SLC67A1: variants seen among roughly 807,000 people sequenced by gnomAD.
SLC67A1 encodes the protein solute carrier family 67 member A1.
the SLC67A1 span, among the ~76,000 whole-genome samples, chr11:2,910,627 C>T: frequency 5.9e-5 from 9 of 151,998 alleles, no homozygotes; most frequent in Non-Finnish European, 1.2e-4. Flanking sequence ...GCAGGGAGAC[C>T]GGTAGGACAG....
the SLC67A1 span, chr11:2,909,756 C>A: frequency 7.1e-7 from 1 of 1,411,872 alleles, no homozygotes; most frequent in Non-Finnish European, 9.2e-7. Context: ...AGGACGCCCG[C>A]GGCTGGGTCG....
the SLC67A1 span, chr11:2,921,070 A>G: frequency 1.3e-5 from 2 of 151,308 alleles, no homozygotes; most frequent in African/African-American, 2.4e-5. Context: ...AATACAAAAA[A>G]AAAAAAAAAA....
chr11:2,917,985 C>T, the SLC67A1 span: 3 of 1,610,696 alleles, frequency 1.9e-6, no homozygotes, highest in South Asian at 1.1e-5. Flanking sequence ...CTCTCCGTGC[C>T]AGGCGGCCCC....
At chr11:2,919,527 CAT>C in the SLC67A1 span, 8 of 720,140 alleles carry the variant, frequency 1.1e-5, no homozygotes, top group South Asian at 1.4e-4. Context: ...CCATCTGGCA[CAT>C]GTCAGGGTCC....
At chr11:2,922,125 GC>G in the SLC67A1 span, 1 of 1,613,398 alleles carries the variant, frequency 6.2e-7, no homozygotes, top group Non-Finnish European at 8.5e-7. Flanking sequence ...TGGTCATCGG[GC>G]AGCTGAGCAG....
At chr11:2,901,711 T>A in the SLC67A1 span, among the ~76,000 whole-genome samples, 1 of 152,060 alleles carries the variant, frequency 6.6e-6, no homozygotes. Context: ...TGGGGAAAAG[T>A]GGGCTCTCAA....
the SLC67A1 span, chr11:2,902,473 T>C: frequency 2.2e-6 from 1 of 449,574 alleles, no homozygotes; most frequent in South Asian, 1.1e-4. Context: ...CTGCTGCGGC[T>C]GCCCTGCTCC....
At chr11:2,923,139 C>T in the SLC67A1 span, among the ~76,000 whole-genome samples, 6 of 152,222 alleles carry the variant, frequency 3.9e-5, no homozygotes, top group East Asian at 1.2e-3. The surrounding 1 kb of genome is among the most constrained non-coding windows in gnomAD (Gnocchi z 6.5). Context: ...TATCCAGGCT[C>T]CTGCCCCACC....
At chr11:2,905,537 T>G in the SLC67A1 span, among the ~76,000 whole-genome samples, 9 of 152,326 alleles carry the variant, frequency 5.9e-5, no homozygotes, top group East Asian at 1.7e-3. Flanking sequence ...TAGTATTCCA[T>G]GGTTTATATG....
chr11:2,908,856 C>G, the SLC67A1 span, among the ~76,000 whole-genome samples: 1 of 152,334 alleles, frequency 6.6e-6, no homozygotes, highest in Admixed American at 6.5e-5. Context: ...GAGAAAGGCG[C>G]TGCTTTCTCA....
chr11:2,909,858 C>T, the SLC67A1 span: 3 of 891,914 alleles, frequency 3.4e-6, no homozygotes, highest in South Asian at 1.9e-5. Flanking sequence ...CGTCTGGCCC[C>T]GCGCGAGGCC....
the SLC67A1 span, chr11:2,917,994 C>T: frequency 6.2e-7 from 1 of 1,612,534 alleles, no homozygotes; most frequent in Non-Finnish European, 8.5e-7. Context: ...CCAGGCGGCC[C>T]CCGGGCCAGT....
chr11:2,923,681 G>C, the SLC67A1 span, among the ~76,000 whole-genome samples: 2 of 152,190 alleles, frequency 1.3e-5, no homozygotes, highest in Admixed American at 1.3e-4. This position sits in a 1 kb window ranked among gnomAD's most constrained non-coding sequence, Gnocchi z 6.5. Flanking sequence ...ACTTTGGAGA[G>C]GCCAGGAGGA....
At chr11:2,915,952 G>A in the SLC67A1 span, among the ~76,000 whole-genome samples, 1 of 152,248 alleles carries the variant, frequency 6.6e-6, no homozygotes, top group Non-Finnish European at 1.5e-5. Flanking sequence ...CAGGGAAGCT[G>A]ACGGTACAGC....
chr11:2,903,097 T>C, the SLC67A1 span: 1 of 805,464 alleles, frequency 1.2e-6, no homozygotes, highest in Non-Finnish European at 1.7e-6. Context: ...GCTGTGTGCC[T>C]GGAGACCAGA....
chr11:2,916,932 G>A, the SLC67A1 span: 5 of 568,858 alleles, frequency 8.8e-6, no homozygotes, highest in Non-Finnish European at 1.6e-5. Flanking sequence ...TCATGAAGAG[G>A]TGGAAGTGGG....
At chr11:2,922,027 G>T in the SLC67A1 span, 1 of 1,133,232 alleles carries the variant, frequency 8.8e-7, no homozygotes, top group Non-Finnish European at 1.3e-6. Context: ...CCCCAGCTTT[G>T]GGGGCTGGCC....
chr11:2,903,998 G>T, the SLC67A1 span, among the ~76,000 whole-genome samples: 1 of 152,232 alleles, frequency 6.6e-6, no homozygotes, highest in Admixed American at 6.5e-5. Flanking sequence ...GAGATAGAAT[G>T]CTGTCTTATT....
chr11:2,924,914 G>C, the SLC67A1 span: 1 of 1,134,002 alleles, frequency 8.8e-7, no homozygotes. The surrounding 1 kb of genome is among the most constrained non-coding windows in gnomAD (Gnocchi z 8.6). Context: ...AGGTCAGGGT[G>C]GGTCAGGAGA....
Sources: gnomAD v4.1 joint callset for allele counts (sites outside exome capture counted in the v4.1 genomes callset) on GRCh38, gnomAD v4.1.1 for gene constraint, Gnocchi (gnomAD v3.1) non-coding constraint, MANE v1.5 for transcripts, NCBI Gene and HGNC (gene_info 2026-07-23, HGNC 2026-07-21) for gene names.